The following CUL1 variants were observed in gnomAD, a reference collection of about 807,000 sequenced individuals.
CUL1 encodes the protein cullin-1.
In CUL1, 24 loss-of-function variants were observed where a neutral mutation model predicts 118.0. That is an observed-to-expected ratio of 0.20 (90% confidence interval 0.15 to 0.29). The LOEUF (loss-of-function observed/expected upper bound fraction) is 0.29. Among genes scored for constraint, CUL1 ranks in the 10% least tolerant of loss-of-function variants. The pLI is 1.00. For missense variants in CUL1, 361 were observed against 933.8 expected, an observed-to-expected ratio of 0.39 and a Z score of 7.99; for synonymous variants, 332 against 340.4, an observed-to-expected ratio of 0.98 and a Z score of 0.27.
intron 2 of CUL1, among the ~76,000 whole-genome samples, chr7:148,740,411 G>A (rs763335112): frequency 2.4e-4 from 37 of 152,216 alleles, no homozygotes; most frequent in Middle Eastern, 3.4e-3. Context: ...TAAAGTGTAC[G>A]TTTCAATAGT....
chr7:148,750,307 T>G (rs1490694103), intron 2 of CUL1, among the ~76,000 whole-genome samples: 1 of 151,890 alleles, frequency 6.6e-6, no homozygotes, highest in Admixed American at 6.6e-5. Context: ...TTTTTTTTTT[T>G]TTTAAATTAT....
chr7:148,784,316 C>T (rs1404276368), intron 11 of CUL1, among the ~76,000 whole-genome samples: 3 of 152,186 alleles, frequency 2.0e-5, no homozygotes, highest in Non-Finnish European at 4.4e-5. Context: ...CATCCAAGCA[C>T]TAACCAGGCC....
At chr7:148,769,545 A>G (rs946579474) in intron 9 of CUL1, among the ~76,000 whole-genome samples, 1 of 152,078 alleles carries the variant, frequency 6.6e-6, no homozygotes, top group Non-Finnish European at 1.5e-5. Context: ...TTCAGAACTC[A>G]ATTTACCTAT....
chr7:148,750,118 G>A (rs1477827050), intron 2 of CUL1, among the ~76,000 whole-genome samples: 1 of 152,158 alleles, frequency 6.6e-6, no homozygotes, highest in Non-Finnish European at 1.5e-5. Flanking sequence ...TGGTTCATGC[G>A]ATTAAAGAAA....
At position 148,800,476 on chromosome 7, in the gene CUL1, TCTTC is replaced by T. The variant is rs1801351229; in HGVS notation, c.2251-22_2251-19del. ...TGTGTTTTTCTTCTCTTTCACTACC[TCTTC>T]CTTTTTAAAAATAACACCCAGAAAT... On this transcript the variant is annotated intron_variant, in intron 21 of 21. Coordinates refer to ENST00000325222, the MANE Select transcript of CUL1 (RefSeq NM_003592.3). The surrounding 1 kb of genome is among the most constrained non-coding windows in gnomAD (Gnocchi z 4.6). 6.3e-7 allele frequency: 1 copy of T among 1,580,890 alleles called. No homozygotes were observed. The highest frequency in any genetic ancestry group is 1.1e-5 in the South Asian group (1 of 90,318).
chr7:148,751,534 CAA>C (rs1166826975), intron 2 of CUL1, among the ~76,000 whole-genome samples: 3 of 65,672 alleles, frequency 4.6e-5, no homozygotes, highest in African/African-American at 1.2e-4. Flanking sequence ...GACTCTGTCT[CAA>C]AAAAAAAAAA....
At chr7:148,772,192 A>G (rs778046326) in intron 9 of CUL1, among the ~76,000 whole-genome samples, 24 of 152,328 alleles carry the variant, frequency 1.6e-4, no homozygotes, top group Non-Finnish European at 3.2e-4. Flanking sequence ...AGGCAGGCAG[A>G]TCACCTGAGA....
At chr7:148,790,931 G>A (rs1358687037) in intron 16 of CUL1, among the ~76,000 whole-genome samples, 1 of 152,144 alleles carries the variant, frequency 6.6e-6, no homozygotes, top group African/African-American at 2.4e-5. Flanking sequence ...ATTTCTTAGA[G>A]GAGAAAACTG....
At chr7:148,759,974 CT>C (rs1393118362) in intron 6 of CUL1, among the ~76,000 whole-genome samples, 1 of 152,072 alleles carries the variant, frequency 6.6e-6, no homozygotes, top group Non-Finnish European at 1.5e-5. Context: ...GATTGAGAAA[CT>C]GATAAAGTAA....
At chr7:148,757,211 A>C in intron 4 of CUL1, 61 bp downstream of exon 4, 5 of 1,154,392 alleles carry the variant, frequency 4.3e-6, no homozygotes, top group Non-Finnish European at 4.6e-6. Flanking sequence ...TTTAATGGCA[A>C]ATTGTCTTTC....
At chr7:148,794,219 A>T (rs1350017832) in intron 17 of CUL1, among the ~76,000 whole-genome samples, 2 of 151,194 alleles carry the variant, frequency 1.3e-5, no homozygotes, top group Non-Finnish European at 2.9e-5. Flanking sequence ...TCTTATATAC[A>T]CACATTTTTA....
At chr7:148,723,923 T>G (rs1798477697) in intron 1 of CUL1, among the ~76,000 whole-genome samples, 1 of 152,164 alleles carries the variant, frequency 6.6e-6, no homozygotes, top group Non-Finnish European at 1.5e-5. Context: ...TTTTATACTG[T>G]GTTTTTCTGA....
chr7:148,767,946 G>C (rs557325706), intron 9 of CUL1, among the ~76,000 whole-genome samples, 197 bp downstream of exon 9: 1 of 152,116 alleles, frequency 6.6e-6, no homozygotes, highest in African/African-American at 2.4e-5. Flanking sequence ...TTTTTCCCTC[G>C]CACTTTTTAG....
chr7:148,716,370 T>G (rs1489657030), intron 1 of CUL1, among the ~76,000 whole-genome samples: 1 of 152,236 alleles, frequency 6.6e-6, no homozygotes, highest in Non-Finnish European at 1.5e-5. Flanking sequence ...TGTGATTTCT[T>G]GCTGACGAAG....
intron 6 of CUL1, 82 bp from the exon 7 acceptor site, chr7:148,760,251 C>T (rs1305382952): frequency 1.7e-6 from 2 of 1,175,938 alleles, no homozygotes. Context: ...ATAACTTAAA[C>T]TGAATGCTAC....
At chr7:148,767,908 AT>A (rs1800058702) in intron 9 of CUL1, among the ~76,000 whole-genome samples, 159 bp downstream of exon 9, 1 of 152,226 alleles carries the variant, frequency 6.6e-6, no homozygotes, top group Non-Finnish European at 1.5e-5. Flanking sequence ...GTTCACAGAC[AT>A]CTTTGTTTAG....
chr7:148,725,593 C>A (rs1189869388), intron 1 of CUL1, among the ~76,000 whole-genome samples: 1 of 152,196 alleles, frequency 6.6e-6, no homozygotes. Context: ...GTGCCCATCT[C>A]TAAGAAGCAT....
At chr7:148,751,045 A>G (rs965361376) in intron 2 of CUL1, among the ~76,000 whole-genome samples, 1 of 152,130 alleles carries the variant, frequency 6.6e-6, no homozygotes, top group African/African-American at 2.4e-5. Context: ...TAAAACCATA[A>G]TAAACCACAG....
intron 9 of CUL1, among the ~76,000 whole-genome samples, chr7:148,774,398 G>A (rs757590915): frequency 1.7e-4 from 26 of 152,190 alleles, no homozygotes; most frequent in Non-Finnish European, 3.5e-4. Flanking sequence ...TAGTTTGATA[G>A]TTTTCCATGA....
Sources: allele counts gnomAD v4.1 joint callset (sites outside exome capture counted in the v4.1 genomes callset), GRCh38; gene constraint gnomAD v4.1.1; non-coding constraint Gnocchi (gnomAD v3.1); transcripts MANE v1.5; gene names NCBI Gene and HGNC (gene_info 2026-07-23, HGNC 2026-07-21).